The following CTBP2 variants were observed in gnomAD, a reference collection of about 807,000 sequenced individuals.
CTBP2 encodes C-terminal binding protein 2, also known as C-terminal-binding protein 2.
Under a neutral mutation model 80.3 loss-of-function variants are expected in CTBP2, and 30 were observed. The ratio of observed to expected loss-of-function variants is 0.37; its 90% CI spans 0.28 to 0.51. CTBP2 has a LOEUF of 0.51. Ranked by LOEUF, CTBP2 falls within the 20% of genes least tolerant of loss-of-function variation. CTBP2 has a pLI of 0.93. For missense variants in CTBP2, 1,212 were observed against 1,375.3 expected, an observed-to-expected ratio of 0.88 and a Z score of 1.88; for synonymous variants, 594 against 587.4, an observed-to-expected ratio of 1.01 and a Z score of -0.16.
Position 125,155,019 on chromosome 10 carries a change from C to T in CTBP2, c.-206+5300G>A, listed in dbSNP as rs183286922. 1.4e-3 allele frequency among the ~76,000 whole-genome samples: 218 copies of T among 152,314 alleles called. 2 individuals are homozygous for T. The highest frequency in any genetic ancestry group is 0.011 in the Admixed American group (169 of 15,310). ...ATGCCTCCTTTCTGAAGTTGAATAT[C>T]ATTTCCTAAAATCACATTTCGAGGG... On this transcript the variant is annotated intron_variant, in intron 1 of 10. Transcript: ENST00000337195.
chr10:125,131,038 G>A (rs1162724901), intron 1 of CTBP2, among the ~76,000 whole-genome samples: 1 of 152,230 alleles, frequency 6.6e-6, no homozygotes, highest in Non-Finnish European at 1.5e-5. Context: ...AGACAGGCGG[G>A]GAGGCAGAGG....
intron 1 of CTBP2, among the ~76,000 whole-genome samples, chr10:125,149,995 G>A (rs1859538773): frequency 6.6e-6 from 1 of 152,200 alleles, no homozygotes; most frequent in Admixed American, 6.5e-5. Flanking sequence ...AGTTCACCCG[G>A]CAAAACCTAG....
chr10:125,057,512 C>T (rs1228793508), intron 2 of CTBP2, among the ~76,000 whole-genome samples: 1 of 152,234 alleles, frequency 6.6e-6, no homozygotes, highest in Non-Finnish European at 1.5e-5. Context: ...GAGGCCCAGA[C>T]TCCCCCCGAC....
chr10:125,081,292 C>T (rs1023717056), intron 2 of CTBP2, among the ~76,000 whole-genome samples: 2 of 152,202 alleles, frequency 1.3e-5, no homozygotes, highest in South Asian at 2.1e-4. Context: ...CCAGAGGCAA[C>T]GCAGAATCCG....
intron 2 of CTBP2, among the ~76,000 whole-genome samples, chr10:125,098,060 G>T (rs1197044703): frequency 6.6e-6 from 1 of 152,180 alleles, no homozygotes; most frequent in African/African-American, 2.4e-5. Context: ...GGCGGAGATC[G>T]CAGTGAACCG....
chr10:125,124,004 C>T (rs1182902254), intron 1 of CTBP2, among the ~76,000 whole-genome samples: 1 of 152,230 alleles, frequency 6.6e-6, no homozygotes, highest in Non-Finnish European at 1.5e-5. Context: ...CCCAGTCTGG[C>T]TAAATCGAAA....
rs139824350 is a variant in CTBP2, at chr10:125,144,233, C to T, written c.-206+16086G>A. On this transcript the variant is annotated intron_variant, in intron 1 of 10. Transcript: ENST00000337195. ...ATTCTCCTGCTTCCCTTCTGGCCTT[C>T]GAATTTGCACCCACCCGCTCATCCC... Among the ~76,000 whole-genome samples the T allele has an allele frequency of 5.0e-3, 769 of 152,304 alleles. 8 individuals are homozygous for T. Among genetic ancestry groups the T allele is most frequent in the African/African-American group, 0.017 (714 of 41,560 alleles).
At chr10:125,080,354 G>A (rs1846996856) in intron 2 of CTBP2, among the ~76,000 whole-genome samples, 1 of 152,108 alleles carries the variant, frequency 6.6e-6, no homozygotes, top group African/African-American at 2.4e-5. Flanking sequence ...CCAAGCAGTG[G>A]TAGCCACCAG....
chr10:125,071,718 C>T (rs1185632020), intron 2 of CTBP2, among the ~76,000 whole-genome samples: 1 of 152,178 alleles, frequency 6.6e-6, no homozygotes, highest in Middle Eastern at 3.2e-3. Flanking sequence ...CAGTAACTCT[C>T]TAAAACCATA....
intron 1 of CTBP2, among the ~76,000 whole-genome samples, chr10:125,113,848 A>C (rs929668650): frequency 6.6e-6 from 1 of 152,200 alleles, no homozygotes; most frequent in Non-Finnish European, 1.5e-5. Flanking sequence ...CCGGGCGTTC[A>C]AGCAACTGTG....
At chr10:125,102,222 T>C (rs944224647) in intron 2 of CTBP2, among the ~76,000 whole-genome samples, 7 of 152,200 alleles carry the variant, frequency 4.6e-5, no homozygotes, top group Admixed American at 2.6e-4. Context: ...CAAGGTCAAG[T>C]TGTAAACATT....
At chr10:125,062,026 C>T (rs12253369) in intron 2 of CTBP2, among the ~76,000 whole-genome samples, 6,428 of 152,274 alleles carry the variant, frequency 0.042, 420 homozygotes, top group African/African-American at 0.14. Flanking sequence ...GGATCGTCCA[C>T]GCCCTGAGTT....
chr10:125,073,254 T>G (rs1383102586), intron 2 of CTBP2, among the ~76,000 whole-genome samples: 16 of 152,374 alleles, frequency 1.1e-4, no homozygotes, highest in Admixed American at 7.8e-4. Flanking sequence ...CTCTTTTTTT[T>G]GAGATGGAGT....
chr10:125,151,234 C>T (rs1039149697), intron 1 of CTBP2, among the ~76,000 whole-genome samples: 1 of 152,146 alleles, frequency 6.6e-6, no homozygotes, highest in Non-Finnish European at 1.5e-5. Flanking sequence ...GAGGGCAAGA[C>T]GAAACGGGCC....
intron 3 of CTBP2, among the ~76,000 whole-genome samples, chr10:125,037,660 T>C (rs1270014710): frequency 1.3e-5 from 2 of 152,244 alleles, no homozygotes; most frequent in South Asian, 2.1e-4. Context: ...CCTTATCTAT[T>C]GCACAGGCAA....
intron 1 of CTBP2, among the ~76,000 whole-genome samples, chr10:125,154,044 CT>C (rs1860488209): frequency 6.6e-6 from 1 of 152,232 alleles, no homozygotes; most frequent in African/African-American, 2.4e-5. Flanking sequence ...AATATTGCCA[CT>C]ATTTCCAGAC....
At chr10:125,114,365 G>A (rs770989335) in intron 1 of CTBP2, among the ~76,000 whole-genome samples, 20 of 152,002 alleles carry the variant, frequency 1.3e-4, no homozygotes, top group Admixed American at 3.9e-4. Context: ...ATGACAGGGG[G>A]GTGTGTACTC....
chr10:125,010,655 T>C (rs899746008), intron 1 of CTBP2, among the ~76,000 whole-genome samples: 1 of 152,196 alleles, frequency 6.6e-6, no homozygotes, highest in Non-Finnish European at 1.5e-5. Context: ...GTTGAAGACC[T>C]GGCCCAGCTG....
At position 124,993,187 on chromosome 10, in the gene CTBP2, C is replaced by T; in HGVS notation, c.2659+15G>A. On this transcript the variant is annotated intron_variant, in intron 7 of 8. Transcript: ENST00000309035. ...GAGGCTGCCCTTGGCAGGCCAGAGG[C>T]ACGGAGGGGCTCACCTGTGATGGCT... 1 of 1,587,408 alleles carries T rather than the reference C, an allele frequency of 6.3e-7. No homozygotes were observed. Among genetic ancestry groups the T allele is most frequent in the East Asian group, 2.3e-5 (1 of 44,158 alleles).
Sources: gnomAD v4.1 joint callset for allele counts (sites outside exome capture counted in the v4.1 genomes callset) on GRCh38, gnomAD v4.1.1 for gene constraint, MANE v1.5 for transcripts, NCBI Gene and HGNC (gene_info 2026-07-23, HGNC 2026-07-21) for gene names.